Variants in SNX7 observed in about 807,000 individuals in gnomAD.
SNX7 encodes the protein sorting nexin-7.
Under a neutral mutation model 48.4 loss-of-function variants are expected in SNX7, and 35 were observed. That is an observed-to-expected ratio of 0.72 (90% confidence interval 0.55 to 0.96). The LOEUF (loss-of-function observed/expected upper bound fraction) is 0.96, where lower values mean the gene tolerates loss of function less well. SNX7 is among the 40% of genes least tolerant of loss of function. The pLI, the probability that SNX7 is intolerant of heterozygous loss-of-function variation, is 0.00. For missense variants in SNX7, 553 were observed against 548.9 expected, an observed-to-expected ratio of 1.01 and a Z score of -0.07; for synonymous variants, 190 against 190.2, an observed-to-expected ratio of 1.00 and a Z score of 0.01.
chr1:98,736,289 C>G (rs573233040), intron 7 of SNX7, among the ~76,000 whole-genome samples: 29 of 152,136 alleles, frequency 1.9e-4, no homozygotes, highest in Non-Finnish European at 2.4e-4. Flanking sequence ...GTACGTACCC[C>G]TTGATCCTAG....
At chr1:98,661,967 C>T (rs1649252255) in intron 1 of SNX7, 56 bp downstream of exon 1, 2 of 1,242,510 alleles carry the variant, frequency 1.6e-6, no homozygotes, top group Non-Finnish European at 2.0e-6. Context: ...CGGGCGTTGC[C>T]AGCATTGCGC....
At chr1:98,739,364 G>A (rs1274720308) in intron 8 of SNX7, among the ~76,000 whole-genome samples, 2 of 152,134 alleles carry the variant, frequency 1.3e-5, no homozygotes, top group East Asian at 3.9e-4. Flanking sequence ...AGTATGTAGT[G>A]CTTATCCGTT....
intron 7 of SNX7, among the ~76,000 whole-genome samples, chr1:98,728,576 A>G (rs186953746): frequency 2.6e-5 from 4 of 152,324 alleles, no homozygotes; most frequent in African/African-American, 7.2e-5. Flanking sequence ...AGAGACACAC[A>G]TAGGCTTAAA....
At chr1:98,703,126 G>GT (rs1651837144) in intron 7 of SNX7, among the ~76,000 whole-genome samples, 1 of 151,936 alleles carries the variant, frequency 6.6e-6, no homozygotes, top group Non-Finnish European at 1.5e-5. Flanking sequence ...GTTCACTGGA[G>GT]TGCTCCCAGG....
chr1:98,717,990 T>TTG (rs1264817408), intron 7 of SNX7, among the ~76,000 whole-genome samples: 1 of 152,066 alleles, frequency 6.6e-6, no homozygotes, highest in African/African-American at 2.4e-5. Flanking sequence ...TTGCAGACCC[T>TTG]TGTACCAGGA....
chr1:98,687,997 A>G (rs556515299), intron 2 of SNX7, among the ~76,000 whole-genome samples: 72 of 152,302 alleles, frequency 4.7e-4, no homozygotes, highest in African/African-American at 1.6e-3. Flanking sequence ...GGGGATTATT[A>G]CAATTCAAGA....
At chr1:98,701,768 T>C in intron 6 of SNX7, 49 bp from the exon 7 acceptor site, 1 of 1,283,378 alleles carries the variant, frequency 7.8e-7, no homozygotes, top group Non-Finnish European at 1.1e-6. Context: ...ATAGGAAAGA[T>C]TATTAAAACT....
chr1:98,670,438 A>C (rs1023314548), intron 1 of SNX7, among the ~76,000 whole-genome samples: 2 of 152,252 alleles, frequency 1.3e-5, no homozygotes, highest in African/African-American at 4.8e-5. Flanking sequence ...AGCTGCAGAA[A>C]GGGACAGGCG....
At chr1:98,697,573 G>T (rs570608652) in intron 5 of SNX7, among the ~76,000 whole-genome samples, 6 of 151,976 alleles carry the variant, frequency 3.9e-5, no homozygotes, top group African/African-American at 1.2e-4. Context: ...AATACATAGC[G>T]TATCAAACAC....
chr1:98,707,882 A>G (rs1386360650), intron 7 of SNX7, among the ~76,000 whole-genome samples: 2 of 152,168 alleles, frequency 1.3e-5, no homozygotes. Context: ...ATGACATGCT[A>G]TTTTTGGCTG....
intron 8 of SNX7, among the ~76,000 whole-genome samples, chr1:98,746,962 A>G (rs1200847068): frequency 6.6e-6 from 1 of 152,034 alleles, no homozygotes; most frequent in African/African-American, 2.4e-5. Flanking sequence ...TTAGAGGTCA[A>G]TTTATTTAAT....
intron 7 of SNX7, among the ~76,000 whole-genome samples, chr1:98,711,329 A>G (rs556660820): frequency 2.0e-4 from 31 of 152,278 alleles, no homozygotes; most frequent in African/African-American, 6.0e-4. Context: ...TTAGTACTAA[A>G]AATCAAAAAT....
intron 7 of SNX7, among the ~76,000 whole-genome samples, chr1:98,720,865 C>A (rs889392044): frequency 6.6e-6 from 1 of 151,958 alleles, no homozygotes; most frequent in East Asian, 1.9e-4. Flanking sequence ...GAGATCATTT[C>A]TCATGGAAGT....
At chr1:98,677,890 A>G (rs1650256303) in intron 1 of SNX7, among the ~76,000 whole-genome samples, 1 of 151,960 alleles carries the variant, frequency 6.6e-6, no homozygotes, top group East Asian at 1.9e-4. Flanking sequence ...AAAAAAAAAA[A>G]AAAAGAAATA....
At chr1:98,749,029 C>T (rs1442111032) in intron 8 of SNX7, among the ~76,000 whole-genome samples, 1 of 152,090 alleles carries the variant, frequency 6.6e-6, no homozygotes, top group Non-Finnish European at 1.5e-5. Flanking sequence ...AACAGATAAG[C>T]TTGATGTCTG....
intron 6 of SNX7, 142 bp downstream of exon 6, chr1:98,699,047 A>T (rs1651616064): frequency 1.4e-6 from 1 of 707,806 alleles, no homozygotes; most frequent in Non-Finnish European, 2.3e-6. Flanking sequence ...ATAAATATTT[A>T]TTCACTGTGT....
intron 8 of SNX7, among the ~76,000 whole-genome samples, chr1:98,751,583 C>T (rs1654583586): frequency 6.6e-6 from 1 of 152,026 alleles, no homozygotes; most frequent in African/African-American, 2.4e-5. Context: ...GAAATGTGTA[C>T]TGGATTCTCA....
intron 7 of SNX7, among the ~76,000 whole-genome samples, chr1:98,714,776 A>G (rs1275248672): frequency 1.3e-5 from 2 of 152,206 alleles, no homozygotes; most frequent in Non-Finnish European, 2.9e-5. Flanking sequence ...GAGGCGCAGC[A>G]CTATGGCATG....
At chr1:98,700,877 C>G (rs564780188) in intron 6 of SNX7, among the ~76,000 whole-genome samples, 1 of 152,176 alleles carries the variant, frequency 6.6e-6, no homozygotes, top group Admixed American at 6.5e-5. Flanking sequence ...TTTAAAACAC[C>G]AGAAGGCCCT....
Sources: gnomAD v4.1 joint callset for allele counts (sites outside exome capture counted in the v4.1 genomes callset) on GRCh38, gnomAD v4.1.1 for gene constraint, MANE v1.5 for transcripts, NCBI Gene and HGNC (gene_info 2026-07-23, HGNC 2026-07-21) for gene names.